WARS2: variants seen among roughly 807,000 people sequenced by gnomAD.
The protein encoded by WARS2 is tryptophanyl tRNA synthetase 2, mitochondrial, also known as tryptophan--tRNA ligase, mitochondrial.
WARS2 carries 28 observed loss-of-function variants against 36.5 expected under a neutral mutation model. The ratio of observed to expected loss-of-function variants is 0.77; its 90% CI spans 0.57 to 1.05. WARS2 has a LOEUF of 1.05. WARS2 is among the 50% of genes least tolerant of loss of function. WARS2 has a pLI of 0.00. For missense variants in WARS2, 435 were observed against 456.8 expected (o/e 0.95, Z 0.44); for synonymous variants, 174 against 178.4 (o/e 0.98, Z 0.20).
intron 1 of WARS2, among the ~76,000 whole-genome samples, chr1:119,111,720 C>T (rs1654648747): frequency 6.6e-6 from 1 of 152,088 alleles, no homozygotes; most frequent in Non-Finnish European, 1.5e-5. Flanking sequence ...TGCTGAGCCT[C>T]CAGGAGTTCC....
At chr1:119,080,711 G>C (rs868036498) in intron 1 of WARS2, among the ~76,000 whole-genome samples, 1 of 152,212 alleles carries the variant, frequency 6.6e-6, no homozygotes, top group African/African-American at 2.4e-5. Context: ...AGACATGCCA[G>C]GTACCATGAA....
At chr1:119,095,525 T>C (rs1024447114) in intron 1 of WARS2, among the ~76,000 whole-genome samples, 3 of 152,002 alleles carry the variant, frequency 2.0e-5, no homozygotes, top group Admixed American at 6.6e-5. Context: ...CTGCCACCCC[T>C]GGGTTCAAGG....
At chr1:119,048,830 G>A (rs545509603) in intron 2 of WARS2, among the ~76,000 whole-genome samples, 15 of 152,226 alleles carry the variant, frequency 9.9e-5, no homozygotes, top group African/African-American at 3.6e-4. Context: ...TTGGGAGGCC[G>A]AGGTGGGCGG....
At chr1:119,041,793 T>C (rs1462258076) in intron 4 of WARS2, among the ~76,000 whole-genome samples, 3 of 152,188 alleles carry the variant, frequency 2.0e-5, no homozygotes, top group East Asian at 1.9e-4. Flanking sequence ...GGGAAATATA[T>C]ATAGCTACTG....
intron 1 of WARS2, among the ~76,000 whole-genome samples, chr1:119,121,852 G>A (rs1052916748): frequency 3.3e-5 from 5 of 152,062 alleles, no homozygotes; most frequent in Admixed American, 1.3e-4. Context: ...ATAGAATAAC[G>A]AAACTGGATC....
chr1:119,135,751 T>TAGAG (rs1553183294), intron 1 of WARS2, among the ~76,000 whole-genome samples: 25 of 109,224 alleles, frequency 2.3e-4, no homozygotes, highest in Non-Finnish European at 3.1e-4. Flanking sequence ...GATAGATAGA[T>TAGAG]AGAGAGATAG....
intron 1 of WARS2, among the ~76,000 whole-genome samples, chr1:119,114,103 G>A (rs977244420): frequency 6.6e-6 from 1 of 152,128 alleles, no homozygotes; most frequent in African/African-American, 2.4e-5. Flanking sequence ...TTACAGATAA[G>A]GTGACTAAGG....
At chr1:119,042,089 A>G (rs1013232578) in intron 4 of WARS2, among the ~76,000 whole-genome samples, 175 bp downstream of exon 4, 1 of 152,238 alleles carries the variant, frequency 6.6e-6, no homozygotes, top group African/African-American at 2.4e-5. Context: ...TACATTATAC[A>G]TGTAGAAACA....
At chr1:119,125,546 C>T (rs753238918) in intron 1 of WARS2, among the ~76,000 whole-genome samples, 3 of 152,116 alleles carry the variant, frequency 2.0e-5, no homozygotes, top group Non-Finnish European at 4.4e-5. Context: ...ATACTCACAA[C>T]CTTATTACTC....
chr1:119,056,667 C>A (rs1238463603), intron 2 of WARS2, among the ~76,000 whole-genome samples: 1 of 151,416 alleles, frequency 6.6e-6, no homozygotes, highest in African/African-American at 2.4e-5. Context: ...ATACACCAAT[C>A]AAGATACAGA....
At chr1:119,131,753 G>C (rs1330970064) in intron 1 of WARS2, among the ~76,000 whole-genome samples, 2 of 151,992 alleles carry the variant, frequency 1.3e-5, no homozygotes, top group African/African-American at 4.8e-5. Flanking sequence ...GAGCCACAGC[G>C]CCGGCCCGGA....
At chr1:119,123,710 C>T (rs910178213) in intron 1 of WARS2, among the ~76,000 whole-genome samples, 1 of 152,138 alleles carries the variant, frequency 6.6e-6, no homozygotes, top group Admixed American at 6.5e-5. Context: ...CTGGATAATA[C>T]TATCTTGTCT....
intron 2 of WARS2, among the ~76,000 whole-genome samples, chr1:119,065,143 A>G (rs1411428241): frequency 1.3e-5 from 2 of 152,180 alleles, no homozygotes; most frequent in Non-Finnish European, 2.9e-5. Context: ...GATAGATCAA[A>G]TAAGAAATAA....
intron 1 of WARS2, chr1:119,127,331 C>T (rs1204491905): frequency 3.6e-6 from 2 of 554,666 alleles, no homozygotes; most frequent in Admixed American, 2.8e-5. Context: ...GATACTATTA[C>T]TGTCTCTGTT....
intron 1 of WARS2, among the ~76,000 whole-genome samples, chr1:119,091,123 T>A (rs957063041): frequency 1.2e-4 from 18 of 152,096 alleles, no homozygotes; most frequent in African/African-American, 4.3e-4. Flanking sequence ...AGGACTTGAG[T>A]TTTGAGGATC....
At chr1:119,075,709 C>G (rs587720830) in intron 2 of WARS2, among the ~76,000 whole-genome samples, 5 of 152,080 alleles carry the variant, frequency 3.3e-5, no homozygotes, top group African/African-American at 1.2e-4. Flanking sequence ...TAGGGTGTAT[C>G]TTGATTGCCT....
chr1:119,129,345 T>A (rs1655921948), intron 1 of WARS2, among the ~76,000 whole-genome samples: 1 of 152,160 alleles, frequency 6.6e-6, no homozygotes. Flanking sequence ...TGATACCCAG[T>A]CTATGGTATA....
At chr1:119,059,911 A>C (rs1056421973) in intron 2 of WARS2, among the ~76,000 whole-genome samples, 9 of 152,134 alleles carry the variant, frequency 5.9e-5, no homozygotes, top group African/African-American at 2.2e-4. Flanking sequence ...CATTGAGGAG[A>C]AGCACACACA....
At chr1:119,041,969 G>A (rs1284344752) in intron 4 of WARS2, among the ~76,000 whole-genome samples, 1 of 152,146 alleles carries the variant, frequency 6.6e-6, no homozygotes, top group Non-Finnish European at 1.5e-5. Context: ...TGTTGTAAGG[G>A]TTGATGTATA....
Sources: gnomAD v4.1 joint callset for allele counts (sites outside exome capture counted in the v4.1 genomes callset) on GRCh38, gnomAD v4.1.1 for gene constraint, MANE v1.5 for transcripts, NCBI Gene and HGNC (gene_info 2026-07-23, HGNC 2026-07-21) for gene names.